The following SBF1 variants were observed in gnomAD, a reference collection of about 807,000 sequenced individuals.
SBF1 encodes the protein myotubularin-related protein 5.
Under a neutral mutation model 215.8 loss-of-function variants are expected in SBF1, and 65 were observed. That is an observed-to-expected ratio of 0.30 (90% CI 0.25 to 0.37). The LOEUF is 0.37. SBF1 is among the 10% of genes least tolerant of loss of function. SBF1 has a pLI of 1.00. For synonymous variants in SBF1, 1,410 were observed against 1,122.8 expected (o/e 1.26, Z -5.11); for missense variants, 2,634 against 2,667.8 (o/e 0.99, Z 0.28).
At chr22:50,466,579 T>C (rs962270732) in intron 6 of SBF1, 26 bp downstream of exon 6, 3 of 1,538,032 alleles carry the variant, frequency 2.0e-6, no homozygotes, top group South Asian at 1.2e-5. Flanking sequence ...GGGGAAGCCA[T>C]GCGGGGGTGG....
rs1205866698 is a variant in SBF1 at position 50,467,512 on chromosome 22, G to A, written c.438+20C>T. 8.7e-6 allele frequency: 14 copies of A among 1,613,608 alleles called. No homozygotes were observed. The highest frequency in any genetic ancestry group is 2.2e-5 in the East Asian group (1 of 44,900). On this transcript the variant is annotated intron_variant, in intron 4 of 40. Coordinates refer to ENST00000380817, the MANE Select transcript of SBF1 (RefSeq NM_002972.4). ...GGAAGCACCCTCGTCGTGCCTCGCC[G>A]CCCCGGCTGCCGGCCTCACCCTGAA...
rs766464986 is a variant in SBF1, at chr22:50,465,314, G to C, written c.1104C>G (p.Arg368=). 1 of 1,594,636 alleles carries C rather than the reference G, an allele frequency of 6.3e-7. No individual in the cohort carries two copies. Among genetic ancestry groups the C allele is most frequent in the Non-Finnish European group, 8.5e-7 (1 of 1,171,496 alleles). The change falls in exon 11 of 41, where the codon CGC becomes CGG. Residue 368 remains arginine, a synonymous_variant. Coordinates refer to ENST00000380817, the MANE Select transcript of SBF1 (RefSeq NM_002972.4). ...SSLKMQDKEL[R]AVFLRLFAQL... Reference sequence around the variant, plus strand: ...GAGCGAACAGCCGCAGGAAGACCGCGCGCAGCTCCTTGTCCTGGGAGAAGA... The same window carrying C: ...GAGCGAACAGCCGCAGGAAGACCGCCCGCAGCTCCTTGTCCTGGGAGAAGA...
intron 6 of SBF1, 39 bp from the exon 7 acceptor site, chr22:50,466,521 C>T (rs1173962865): frequency 6.5e-7 from 1 of 1,530,566 alleles, no homozygotes; most frequent in Non-Finnish European, 8.8e-7. Flanking sequence ...ACCCTGGGCC[C>T]CCACCCAGGC....
chr22:50,471,757 G>C (rs1301937013), intron 1 of SBF1, among the ~76,000 whole-genome samples: 2 of 152,086 alleles, frequency 1.3e-5, no homozygotes, highest in African/African-American at 4.8e-5. Flanking sequence ...TCCCAGGGTG[G>C]AGGCTGGGAG....
Position 50,462,878 on chromosome 22 carries a change from A to G in SBF1, c.1960T>C (p.Phe654Leu). 1 of 1,613,176 alleles carries G rather than the reference A, an allele frequency of 6.2e-7. No homozygotes were observed. The change falls in exon 17 of 41, where the codon TTC becomes CTC. Residue 654 changes from phenylalanine (F) to leucine (L), a missense_variant. Physicochemically the swap from Phe to Leu is conservative, Grantham distance 22. Transcript: ENST00000380817. ...AAALLPLVTA[F>L]CRKLSPGVTQ... ...GCCATGCCAGCACTCACCCGGCAGAAGGCTGTGACCAGAGGCAGCAGAGCC... is the reference window on the plus strand; with the variant it reads ...GCCATGCCAGCACTCACCCGGCAGAGGGCTGTGACCAGAGGCAGCAGAGCC...
intron 2 of SBF1, 133 bp from the exon 3 acceptor site, chr22:50,468,056 G>T: frequency 8.7e-7 from 1 of 1,150,428 alleles, no homozygotes; most frequent in East Asian, 2.5e-5. Context: ...GGAGACCCTG[G>T]GGACACGTGG....
At chr22:50,453,680 G>A (rs561226993) in intron 36 of SBF1, among the ~76,000 whole-genome samples, 2 of 152,150 alleles carry the variant, frequency 1.3e-5, no homozygotes, top group Admixed American at 6.5e-5. Flanking sequence ...CCAGCTACTC[G>A]AGAGGCTGAG....
Position 50,460,395 on chromosome 22 carries a change from T to G in SBF1, c.3160A>C (p.Asn1054His), listed in dbSNP as rs199510809. 1.6e-5 allele frequency: 25 copies of G among 1,611,850 alleles called. No homozygotes were observed. The highest frequency in any genetic ancestry group is 2.1e-5 in the Non-Finnish European group (25 of 1,178,744). The change falls in exon 25 of 41, where the codon AAC (asparagine) becomes CAC (histidine). Residue 1054 changes from asparagine to histidine, a missense_variant. By Grantham distance (68) the Asn-to-His change is moderately conservative. Coordinates refer to ENST00000380817, the MANE Select transcript of SBF1 (RefSeq NM_002972.4). ...GTCTTCTTGGCGTTCTTGACCAGGT[T>G]CCGGGACAGGGTTCTGAGGCCCACG... ...KGPSLRTLSRNLVKNAKKTIG... is the reference protein window; with the variant it reads ...KGPSLRTLSRHLVKNAKKTIG...
In SBF1 at chr22:50,448,421, C is replaced by G. The variant is rs1400838307; in HGVS notation, c.5175G>C (p.Val1725=). 6.2e-7 allele frequency: 1 copy of G among 1,613,698 alleles called. No homozygotes were observed. Among genetic ancestry groups the G allele is most frequent in the Non-Finnish European group, 8.5e-7 (1 of 1,179,994 alleles). Residue 1725 remains valine, a synonymous_variant, in exon 38 of 41, where the codon GTG becomes GTC. Coordinates refer to ENST00000380817, the MANE Select transcript of SBF1 (RefSeq NM_002972.4). ...DGRGTPSSLL[V]STAPHHRRSL... ...AGCGACGGTGGTGGGGTGCGGTGGA[C>G]ACAAGGAGGGAGCTAGGGGTGCCCT...
intron 24 of SBF1, 51 bp from the exon 25 acceptor site, chr22:50,460,459 G>A (rs758777155): frequency 5.6e-6 from 9 of 1,604,512 alleles, no homozygotes; most frequent in South Asian, 2.2e-5. Context: ...ACAAAGATGA[G>A]CACAGGGGCC....
chr22:50,474,117 G>A (rs2068088744), intron 1 of SBF1, among the ~76,000 whole-genome samples: 1 of 152,202 alleles, frequency 6.6e-6, no homozygotes, highest in Admixed American at 6.5e-5. Flanking sequence ...CCTGGGCATG[G>A]GCACCGACCG....
In SBF1 at chr22:50,465,815, G is replaced by T; in HGVS notation, c.1037C>A (p.Ala346Asp). The change falls in exon 10 of 41, where the codon GCT becomes GAT. Residue 346 changes from alanine to aspartate, a missense_variant. Transcript: ENST00000380817. Reference protein sequence around the residue: ...SMVLDPELELADLAFPPPTTS... With the variant: ...SMVLDPELELDDLAFPPPTTS... ...CGTGGGCGGAGGGAAGGCGAGGTCA[G>T]CCAACTCCAGCTCCGGGTCCAGGAC... is the stretch of plus-strand genomic sequence containing the variant. 6.2e-7 allele frequency: 1 copy of T among 1,612,146 alleles called. No homozygotes were observed. Among genetic ancestry groups the T allele is most frequent in the African/African-American group, 1.3e-5 (1 of 75,008 alleles).
intron 15 of SBF1, among the ~76,000 whole-genome samples, 155 bp from the exon 16 acceptor site, chr22:50,463,587 T>C (rs2067614550): frequency 6.6e-6 from 1 of 151,968 alleles, no homozygotes; most frequent in African/African-American, 2.4e-5. Context: ...GACTAAAACC[T>C]CCAGTGGGCC....
In SBF1 at chr22:50,446,941, G is replaced by A. The variant is rs1209048965; in HGVS notation, c.*201C>T. ...CTGTACCTTGGCCACCTCCCGGCAC[G>A]GTGCTCAGCTGTGACGCCAAAATAA... On this transcript the variant is annotated 3_prime_UTR_variant, in exon 41 of 41. Coordinates refer to ENST00000380817, the MANE Select transcript of SBF1 (RefSeq NM_002972.4). 16 of 710,684 alleles carry A rather than the reference G, an allele frequency of 2.3e-5. No homozygotes were observed. Among genetic ancestry groups the A allele is most frequent in the South Asian group, 4.4e-5 (3 of 67,828 alleles). 44.0% of individuals were successfully genotyped at this position (710,684 alleles called of 1,614,324 possible).
At chr22:50,469,452 G>A (rs553625074) in intron 1 of SBF1, among the ~76,000 whole-genome samples, 2 of 152,338 alleles carry the variant, frequency 1.3e-5, no homozygotes, top group Admixed American at 1.3e-4. Context: ...CCTGCCTGTG[G>A]CTCACCCCTG....
chr22:50,466,250 T>A lies in SBF1; in HGVS notation c.797A>T (p.Tyr266Phe), dbSNP rs370804121. The A allele has an allele frequency of 6.2e-7, 1 of 1,613,350 alleles. No individual in the cohort carries two copies. Among genetic ancestry groups the A allele is most frequent in the Admixed American group, 1.7e-5 (1 of 59,998 alleles). ...LLFPLRYSFT[Y>F]VPILPAQLLE... is the part of the protein sequence containing the mutation. Reference sequence around the variant, plus strand: ...CAGCTGAGCCGGCAGGATGGGCACATAGGTGAAGCTGTGCAGGCCCCAGAG... The same window carrying A: ...CAGCTGAGCCGGCAGGATGGGCACAAAGGTGAAGCTGTGCAGGCCCCAGAG... Residue 266 changes from tyrosine (Y) to phenylalanine (F), a missense_variant, in exon 8 of 41, where the codon TAT (tyrosine) becomes TTT (phenylalanine). Tyr to Phe is a conservative substitution (Grantham distance 22). Coordinates refer to ENST00000380817, the MANE Select transcript of SBF1 (RefSeq NM_002972.4).
rs2066846494 is a variant in SBF1, at chr22:50,446,923, T to C, written c.*219A>G. ...TTACAGGCCCATTGCGGGCTGTACC[T>C]TGGCCACCTCCCGGCACGGTGCTCA... On this transcript the variant is annotated 3_prime_UTR_variant, in exon 41 of 41. Coordinates refer to ENST00000380817, the MANE Select transcript of SBF1 (RefSeq NM_002972.4). The C allele has an allele frequency of 1.4e-6, 1 of 722,920 alleles. No individual in the cohort carries two copies. The highest frequency in any genetic ancestry group is 2.5e-6 in the Non-Finnish European group (1 of 397,192). 44.8% of individuals were successfully genotyped at this position (722,920 alleles called of 1,614,324 possible). A position where few individuals can be genotyped will look rare whatever the true frequency, so the allele number is the denominator to read the frequency against.
chr22:50,459,923 C>T, intron 26 of SBF1, 29 bp downstream of exon 26: 1 of 1,610,578 alleles, frequency 6.2e-7, no homozygotes, highest in Non-Finnish European at 8.5e-7. Context: ...ACGTGTCCAC[C>T]ACCCGGGCCA....
chr22:50,446,267 T>C lies in SBF1; in HGVS notation c.*875A>G, dbSNP rs1018994764. 5 of 150,244 alleles carry C rather than the reference T, an allele frequency of 3.3e-5. No individual in the cohort carries two copies. The highest frequency in any genetic ancestry group is 1.2e-4 in the African/African-American group (5 of 40,440). The allele number at this position is 150,244 out of a possible 1,614,324, so 9.3% of individuals were successfully genotyped here. ...AAGAACTGAGAGGGTCCATCCCCCA[T>C]GGGCGTTGGCCCCTTACTCTGCCAG... is the stretch of plus-strand genomic sequence containing the variant. On this transcript the variant is annotated 3_prime_UTR_variant, in exon 41 of 41. Coordinates refer to ENST00000380817, the MANE Select transcript of SBF1 (RefSeq NM_002972.4).
Sources: gnomAD v4.1 joint callset for allele counts (sites outside exome capture counted in the v4.1 genomes callset) on GRCh38, gnomAD v4.1.1 for gene constraint, MANE v1.5 for transcripts, NCBI Gene and HGNC (gene_info 2026-07-23, HGNC 2026-07-21) for gene names.